Variants in CCT7 observed in about 807,000 individuals in gnomAD.
CCT7 encodes the protein T-complex protein 1 subunit eta.
CCT7 carries 16 observed loss-of-function variants against 56.6 expected under a neutral mutation model. That is an observed-to-expected ratio of 0.28 (90% CI 0.19 to 0.43). The LOEUF (loss-of-function observed/expected upper bound fraction) is 0.43. Ranked by LOEUF, CCT7 falls within the 20% of genes least tolerant of loss-of-function variation. The pLI, the probability that CCT7 is intolerant of heterozygous loss-of-function variation, is 1.00. For synonymous variants in CCT7, 262 were observed against 254.8 expected (o/e 1.03, Z -0.27); for missense variants, 519 against 685.6 (o/e 0.76, Z 2.71).
intron 1 of CCT7, chr2:73,235,496 AG>A: frequency 1.0e-6 from 1 of 979,170 alleles, no homozygotes; most frequent in Non-Finnish European, 1.2e-6. Flanking sequence ...CTTGTACCCA[AG>A]GTAGAAGGAA....
At chr2:73,239,384 AT>A (rs1054759412) in intron 1 of CCT7, 17 of 394,914 alleles carry the variant, frequency 4.3e-5, no homozygotes, top group African/African-American at 2.9e-4. Context: ...AGAACTCATG[AT>A]TTTTTCTTTT....
At chr2:73,247,517 C>T (rs1309156433) in intron 6 of CCT7, among the ~76,000 whole-genome samples, 1 of 151,462 alleles carries the variant, frequency 6.6e-6, no homozygotes, top group East Asian at 1.9e-4. Context: ...TGCTTTGCCT[C>T]TGCTAACCAG....
At chr2:73,250,208 A>T in intron 9 of CCT7, 98 bp from the exon 10 acceptor site, 1 of 1,439,674 alleles carries the variant, frequency 6.9e-7, no homozygotes. Context: ...AGAATGTAAG[A>T]GCAGCTGCTG....
intron 11 of CCT7, 30 bp downstream of exon 11, chr2:73,251,462 G>A: frequency 3.9e-6 from 2 of 514,194 alleles, no homozygotes; most frequent in Non-Finnish European, 7.8e-6. Flanking sequence ...AGGGTTCAGG[G>A]TTTGGGCGGG....
chr2:73,235,168 A>C (rs1686821109), intron 1 of CCT7, among the ~76,000 whole-genome samples: 1 of 152,158 alleles, frequency 6.6e-6, no homozygotes, highest in Admixed American at 6.5e-5. Context: ...AGTTGCTGTG[A>C]GTCCTGGAGC....
Position 73,246,346 on chromosome 2 carries a change from T to A in CCT7, c.619-1416T>A, listed in dbSNP as rs536164177. Among the ~76,000 whole-genome samples the A allele has an allele frequency of 7.9e-5, 12 of 152,360 alleles. 1 individual carries two copies. In the South Asian group the frequency reaches 2.5e-3, roughly 32 times the overall value. On this transcript the variant is annotated intron_variant, in intron 6 of 11. Coordinates refer to ENST00000258091, the MANE Select transcript of CCT7 (RefSeq NM_006429.4). ...GTGTCACCACCGTTTATTCAGTCAC[T>A]CAAACCAGAAATCTGGGATCATCCT...
rs748216552 is a variant in CCT7, at chr2:73,249,091, T to C, written c.884T>C (p.Ile295Thr). ...AAAGTTGTCTTGTCCAAACTCCCCA[T>C]TGGGGATGTGGCCACCCAGTACTTT... ...GAKVVLSKLPIGDVATQYFAD... is the reference protein window; with the variant it reads ...GAKVVLSKLPTGDVATQYFAD... Residue 295 changes from isoleucine (I) to threonine (T), a missense_variant, in exon 8 of 12, where the codon ATT becomes ACT. Physicochemically the swap from Ile to Thr is moderately conservative, Grantham distance 89 (BLOSUM62 -1). Transcript: ENST00000258091. The C allele has an allele frequency of 1.1e-5, 18 of 1,614,060 alleles. No homozygotes were observed. Among genetic ancestry groups the C allele is most frequent in the East Asian group, 6.7e-5 (3 of 44,876 alleles).
chr2:73,248,149 G>A (rs1021519324), intron 7 of CCT7, among the ~76,000 whole-genome samples: 2 of 152,144 alleles, frequency 1.3e-5, no homozygotes, highest in African/African-American at 2.4e-5. Context: ...CTGTGGTCCT[G>A]GGGAAGGGGA....
At chr2:73,247,707 T>G in intron 6 of CCT7, 55 bp from the exon 7 acceptor site, 2 of 1,541,016 alleles carry the variant, frequency 1.3e-6, no homozygotes, top group Non-Finnish European at 1.8e-6. Flanking sequence ...ACAACTAGCT[T>G]GATTTTATTT....
At chr2:73,246,985 G>T (rs1044147324) in intron 6 of CCT7, among the ~76,000 whole-genome samples, 1 of 152,208 alleles carries the variant, frequency 6.6e-6, no homozygotes, top group East Asian at 1.9e-4. Flanking sequence ...GAAATGACTC[G>T]GTCATTTAGT....
chr2:73,243,199 C>G, intron 4 of CCT7, 70 bp downstream of exon 4: 1 of 1,568,430 alleles, frequency 6.4e-7, no homozygotes, highest in Non-Finnish European at 8.7e-7. Context: ...AGGGGAATTT[C>G]TTTTCAGGAG....
At chr2:73,235,771 C>A in intron 1 of CCT7, 2 of 162,674 alleles carry the variant, frequency 1.2e-5, no homozygotes. Context: ...TCTTACTCGG[C>A]GAGGTGGTTG....
chr2:73,235,493 C>T (rs1056407539), intron 1 of CCT7: 3 of 977,126 alleles, frequency 3.1e-6, no homozygotes, highest in African/African-American at 3.5e-5. Context: ...CCGCTTGTAC[C>T]CAAGGTAGAA....
At chr2:73,240,382 A>G in intron 2 of CCT7, 55 bp from the exon 3 acceptor site, 1 of 1,350,176 alleles carries the variant, frequency 7.4e-7, no homozygotes, top group South Asian at 1.2e-5. Context: ...TCTAGGTCCC[A>G]CTTGAAGACA....
chr2:73,237,630 C>G (rs1277383928), intron 1 of CCT7: 1 of 152,078 alleles, frequency 6.6e-6, no homozygotes, highest in Non-Finnish European at 1.5e-5. Flanking sequence ...GCCACCAGAC[C>G]TGGGACACTC....
At chr2:73,243,685 C>T (rs1032136289) in intron 4 of CCT7, among the ~76,000 whole-genome samples, 1 of 152,180 alleles carries the variant, frequency 6.6e-6, no homozygotes, top group Non-Finnish European at 1.5e-5. Flanking sequence ...GGAGGTTTGG[C>T]TTAATCTCGT....
intron 11 of CCT7, 68 bp from the exon 12 acceptor site, chr2:73,252,572 G>A: frequency 8.0e-7 from 1 of 1,247,640 alleles, no homozygotes; most frequent in Non-Finnish European, 1.2e-6. Context: ...GTCTTTTGGA[G>A]TACCAGTTTA....
chr2:73,243,937 G>T, intron 4 of CCT7, 60 bp from the exon 5 acceptor site: 1 of 1,473,844 alleles, frequency 6.8e-7, no homozygotes, highest in South Asian at 1.1e-5. Flanking sequence ...GAGAGATTGA[G>T]GTCCACTTCA....
intron 3 of CCT7, among the ~76,000 whole-genome samples, chr2:73,241,000 G>A (rs1416765124): frequency 7.4e-6 from 1 of 135,400 alleles, no homozygotes; most frequent in Non-Finnish European, 1.5e-5. Context: ...TTCCTTAGTC[G>A]TTGGAACTAC....
Sources: gnomAD v4.1 joint callset for allele counts (sites outside exome capture counted in the v4.1 genomes callset) on GRCh38, gnomAD v4.1.1 for gene constraint, MANE v1.5 for transcripts, NCBI Gene and HGNC (gene_info 2026-07-23, HGNC 2026-07-21) for gene names.